Variants in SASH1 observed in about 807,000 individuals in gnomAD.
SASH1 encodes the protein SAM and SH3 domain containing 1, also known as SAM and SH3 domain-containing protein 1.
SASH1 carries 44 observed loss-of-function variants against 125.2 expected under a neutral mutation model. That is an observed-to-expected ratio of 0.35 (90% confidence interval 0.28 to 0.45). SASH1 has a LOEUF of 0.45. Among genes scored for constraint, SASH1 ranks in the 20% least tolerant of loss-of-function variants. SASH1 has a pLI of 1.00. For missense variants in SASH1, 1,426 were observed against 1,614.5 expected (o/e 0.88, Z 2.00); for synonymous variants, 639 against 649.1 (o/e 0.98, Z 0.24).
At chr6:148,449,604 C>T (rs1282652811) in intron 4 of SASH1, among the ~76,000 whole-genome samples, 9 of 152,188 alleles carry the variant, frequency 5.9e-5, no homozygotes, top group Non-Finnish European at 1.0e-4. Context: ...TCAGCCTGGT[C>T]TCGAACTCCC....
chr6:148,321,047 C>A (rs774219784), intron 1 of SASH1, among the ~76,000 whole-genome samples: 30 of 152,188 alleles, frequency 2.0e-4, no homozygotes, highest in Non-Finnish European at 3.7e-4. Flanking sequence ...CTTTATCACA[C>A]AGGATTGATA....
At chr6:148,472,903 A>C (rs926923690) in intron 6 of SASH1, among the ~76,000 whole-genome samples, 5 of 152,196 alleles carry the variant, frequency 3.3e-5, no homozygotes, top group African/African-American at 1.2e-4. Context: ...TGAATGAGAA[A>C]GATGGGGAGG....
At chr6:148,345,050 G>T (rs553444041) in intron 1 of SASH1, among the ~76,000 whole-genome samples, 1 of 152,156 alleles carries the variant, frequency 6.6e-6, no homozygotes, top group African/African-American at 2.4e-5. Flanking sequence ...CACCGCGCCC[G>T]ATAGACTGTT....
At chr6:148,409,243 A>C (rs1210290625) in intron 2 of SASH1, among the ~76,000 whole-genome samples, 1 of 152,232 alleles carries the variant, frequency 6.6e-6, no homozygotes, top group Non-Finnish European at 1.5e-5. Flanking sequence ...CATATGCCAT[A>C]GTGCCTTGTG....
chr6:148,542,270 G>A (rs1405578195), intron 17 of SASH1, among the ~76,000 whole-genome samples: 2 of 152,176 alleles, frequency 1.3e-5, no homozygotes, highest in Non-Finnish European at 2.9e-5. Flanking sequence ...GGAAAAGAAA[G>A]TCATATTTCT....
chr6:148,312,664 C>T (rs1780363453), intron 1 of SASH1, among the ~76,000 whole-genome samples: 1 of 152,150 alleles, frequency 6.6e-6, no homozygotes, highest in South Asian at 2.1e-4. Flanking sequence ...AGTAGAAGCA[C>T]TGAATAAAAA....
At chr6:148,485,602 G>A (rs1047840277) in intron 7 of SASH1, among the ~76,000 whole-genome samples, 8 of 152,176 alleles carry the variant, frequency 5.3e-5, no homozygotes, top group Non-Finnish European at 1.2e-4. Flanking sequence ...CCGAAACATA[G>A]AGGGGTTAAA....
chr6:148,473,915 T>C (rs1288455048), intron 6 of SASH1, among the ~76,000 whole-genome samples, 195 bp from the exon 7 acceptor site: 2 of 152,234 alleles, frequency 1.3e-5, no homozygotes, highest in Admixed American at 6.5e-5. Context: ...CAAGCCTGTT[T>C]CTCAATCAGA....
At chr6:148,273,300 T>C (rs1045475829) in intron 1 of SASH1, among the ~76,000 whole-genome samples, 8 of 148,112 alleles carry the variant, frequency 5.4e-5, no homozygotes, top group Admixed American at 1.3e-4. Flanking sequence ...TTCTTTCTTT[T>C]TTTTTTTTTT....
intron 18 of SASH1, among the ~76,000 whole-genome samples, 199 bp from the exon 19 acceptor site, chr6:148,545,816 C>T (rs1782522307): frequency 6.6e-6 from 1 of 152,232 alleles, no homozygotes; most frequent in African/African-American, 2.4e-5. Flanking sequence ...TGGCTTACGC[C>T]TGGAATCCCA....
intron 2 of SASH1, among the ~76,000 whole-genome samples, chr6:148,396,484 A>C (rs1042570090): frequency 6.7e-6 from 1 of 149,890 alleles, no homozygotes; most frequent in Non-Finnish European, 1.5e-5. Context: ...CTCAGAAAAA[A>C]AAAAAAAAAA....
At chr6:148,263,285 C>T in the SASH1 span, among the ~76,000 whole-genome samples, 10 of 152,270 alleles carry the variant, frequency 6.6e-5, no homozygotes, top group Middle Eastern at 6.8e-3. Context: ...CTGTGGAGAG[C>T]CCATCCTTGC....
intron 1 of SASH1, among the ~76,000 whole-genome samples, chr6:148,369,966 C>CAAAAAAA (rs562924566): frequency 2.2e-3 from 204 of 93,424 alleles, no homozygotes; most frequent in African/African-American, 3.1e-3. Context: ...AAAAGAAAAA[C>CAAAAAAA]AAAAAAAAAA....
At chr6:148,346,526 A>T in intron 1 of SASH1, among the ~76,000 whole-genome samples, 1 of 150,780 alleles carries the variant, frequency 6.6e-6, no homozygotes, top group Non-Finnish European at 1.5e-5. Context: ...GAGTGCCTGG[A>T]GGGCAGGGTC....
chr6:148,335,392 G>A (rs1274979572), intron 1 of SASH1, among the ~76,000 whole-genome samples: 1 of 150,516 alleles, frequency 6.6e-6, no homozygotes, highest in Non-Finnish European at 1.5e-5. Flanking sequence ...TTGAACCCGG[G>A]AGGTGGAGGT....
At chr6:148,414,711 G>C (rs1201573614) in intron 2 of SASH1, among the ~76,000 whole-genome samples, 4 of 151,976 alleles carry the variant, frequency 2.6e-5, no homozygotes, top group Admixed American at 2.6e-4. Context: ...TGTCGCCCAG[G>C]CTGGAGTGCA....
At chr6:148,278,189 C>A (rs1371659606) in intron 1 of SASH1, among the ~76,000 whole-genome samples, 1 of 152,084 alleles carries the variant, frequency 6.6e-6, no homozygotes, top group Non-Finnish European at 1.5e-5. Flanking sequence ...GCATCCGCCA[C>A]CATGCCCGGC....
In SASH1 at chr6:148,304,044, C is replaced by T. The variant is rs543887772; in HGVS notation, n.74+31667C>T. On this transcript the variant is annotated intron_variant and non_coding_transcript_variant, in intron 1 of 3. Coordinates refer to the SASH1 transcript ENST00000367469. ...CGGGGGCCGGGTGCGATGGCTCACG[C>T]CTGTAATCCCAACACTTTGAGAGGC... Among the ~76,000 whole-genome samples, 5 of 152,216 alleles carry T rather than the reference C, an allele frequency of 3.3e-5. No homozygotes were observed. The South Asian group carries it at 8.3e-4, about 25-fold the overall frequency.
chr6:148,457,543 C>T (rs941905889), intron 4 of SASH1, among the ~76,000 whole-genome samples: 2 of 152,190 alleles, frequency 1.3e-5, no homozygotes, highest in Non-Finnish European at 2.9e-5. Context: ...AGAATCTCTT[C>T]ATACATACAG....
Sources: allele counts gnomAD v4.1 joint callset (sites outside exome capture counted in the v4.1 genomes callset), GRCh38; gene constraint gnomAD v4.1.1; transcripts MANE v1.5; gene names NCBI Gene and HGNC (gene_info 2026-07-23, HGNC 2026-07-21).